ATXN8OS: variants seen among roughly 807,000 people sequenced by gnomAD.
ATXN8OS encodes the protein ATXN8 opposite strand (non-protein coding).
intron 4 of ATXN8OS, among the ~76,000 whole-genome samples, chr13:70,163,332 G>A (rs1889032910): frequency 6.6e-6 from 1 of 151,932 alleles, no homozygotes; most frequent in African/African-American, 2.4e-5. Flanking sequence ...ACATTGGCTG[G>A]CATCTAAGTC....
intron 3 of ATXN8OS, among the ~76,000 whole-genome samples, chr13:70,137,461 G>A (rs894032811): frequency 6.6e-6 from 1 of 152,138 alleles, no homozygotes; most frequent in African/African-American, 2.4e-5. Context: ...ATTCATATGG[G>A]TCCTTCTAGT....
At chr13:70,132,834 T>C (rs1270067018) in intron 3 of ATXN8OS, among the ~76,000 whole-genome samples, 1 of 148,724 alleles carries the variant, frequency 6.7e-6, no homozygotes, top group Non-Finnish European at 1.5e-5. Context: ...AGGGGCTGTA[T>C]TATTAGCTTA....
intron 2 of ATXN8OS, among the ~76,000 whole-genome samples, chr13:70,121,741 G>A (rs1888362398): frequency 6.6e-6 from 1 of 152,044 alleles, no homozygotes; most frequent in Non-Finnish European, 1.5e-5. Context: ...ATTATCTTAT[G>A]TTATAAACTG....
chr13:70,171,302 C>G (rs1267648304), exon 5 of ATXN8OS, among the ~76,000 whole-genome samples: 1 of 152,084 alleles, frequency 6.6e-6, no homozygotes, highest in Admixed American at 6.6e-5. Context: ...GGTTACAGTT[C>G]ATTATGTACA....
At chr13:70,143,389 T>A (rs1018069997) in intron 3 of ATXN8OS, among the ~76,000 whole-genome samples, 5 of 151,862 alleles carry the variant, frequency 3.3e-5, no homozygotes, top group African/African-American at 4.8e-5. Flanking sequence ...CAGTAATAAA[T>A]CTAAAAAAAA....
At chr13:70,144,408 A>G (rs1345561591) in intron 3 of ATXN8OS, among the ~76,000 whole-genome samples, 1 of 151,988 alleles carries the variant, frequency 6.6e-6, no homozygotes, top group Non-Finnish European at 1.5e-5. Context: ...CTAGTTGAGT[A>G]ATTATTTTTC....
At chr13:70,128,458 A>G (rs1034756630) in intron 2 of ATXN8OS, among the ~76,000 whole-genome samples, 2 of 152,144 alleles carry the variant, frequency 1.3e-5, no homozygotes, top group Non-Finnish European at 2.9e-5. Flanking sequence ...TGTACTAAGA[A>G]GGGGAGGGCA....
At chr13:70,131,943 A>C (rs1888540174) in intron 3 of ATXN8OS, among the ~76,000 whole-genome samples, 3 of 152,196 alleles carry the variant, frequency 2.0e-5, no homozygotes, top group Admixed American at 2.0e-4. Flanking sequence ...ATGAATACAG[A>C]TACACTAGTC....
intron 2 of ATXN8OS, among the ~76,000 whole-genome samples, chr13:70,126,369 G>A (rs914166883): frequency 5.3e-5 from 8 of 151,960 alleles, no homozygotes; most frequent in African/African-American, 1.9e-4. Context: ...TAATACCAAG[G>A]AATTCATGGT....
At chr13:70,146,610 T>C (rs1712692254) in intron 3 of ATXN8OS, among the ~76,000 whole-genome samples, 1 of 152,092 alleles carries the variant, frequency 6.6e-6, no homozygotes, top group South Asian at 2.1e-4. Flanking sequence ...TCATGTCCTT[T>C]GTAGGGACAT....
chr13:70,133,384 A>G (rs1248409273), intron 3 of ATXN8OS, among the ~76,000 whole-genome samples: 1 of 152,180 alleles, frequency 6.6e-6, no homozygotes, highest in Non-Finnish European at 1.5e-5. Flanking sequence ...CATGCCCCTT[A>G]AACAGTGAAA....
chr13:70,109,187 G>A (rs1283478514), intron 1 of ATXN8OS, among the ~76,000 whole-genome samples: 1 of 152,226 alleles, frequency 6.6e-6, no homozygotes. Flanking sequence ...GCAAATAGGC[G>A]TTTGGAGAAG....
intron 2 of ATXN8OS, among the ~76,000 whole-genome samples, chr13:70,115,624 T>C (rs1888268369): frequency 6.6e-6 from 1 of 152,142 alleles, no homozygotes; most frequent in Non-Finnish European, 1.5e-5. Flanking sequence ...CATGTCTTAT[T>C]TAATTTTGAA....
At chr13:70,115,644 TCTAA>T (rs973449854) in intron 2 of ATXN8OS, among the ~76,000 whole-genome samples, 6 of 152,114 alleles carry the variant, frequency 3.9e-5, no homozygotes, top group South Asian at 2.1e-4. Flanking sequence ...ATTCACAGTG[TCTAA>T]CTGTCTATCA....
At chr13:70,117,057 C>T (rs907523518) in intron 2 of ATXN8OS, among the ~76,000 whole-genome samples, 24 of 151,986 alleles carry the variant, frequency 1.6e-4, no homozygotes, top group Admixed American at 1.1e-3. Flanking sequence ...TTATATTTTA[C>T]CCTGATTTAC....
intron 3 of ATXN8OS, among the ~76,000 whole-genome samples, chr13:70,137,870 G>T (rs1888638749): frequency 6.6e-6 from 1 of 152,168 alleles, no homozygotes; most frequent in Non-Finnish European, 1.5e-5. Context: ...ACAGTTCCAT[G>T]GTCTGTACAG....
At chr13:70,123,411 A>G (rs1376646738) in intron 2 of ATXN8OS, among the ~76,000 whole-genome samples, 1 of 152,122 alleles carries the variant, frequency 6.6e-6, no homozygotes, top group Non-Finnish European at 1.5e-5. Flanking sequence ...AGTAAATGTG[A>G]AGAATGTTCA....
chr13:70,145,896 G>A (rs1194547956), intron 3 of ATXN8OS, among the ~76,000 whole-genome samples: 22 of 150,582 alleles, frequency 1.5e-4, no homozygotes, highest in African/African-American at 5.4e-4. Flanking sequence ...GGCAACAAAA[G>A]CCAAAATTGA....
intron 4 of ATXN8OS, among the ~76,000 whole-genome samples, chr13:70,160,054 G>T (rs975449038): frequency 1.3e-5 from 2 of 152,098 alleles, no homozygotes; most frequent in Non-Finnish European, 2.9e-5. Flanking sequence ...CTATTAGTGG[G>T]ATTGCTGGGT....
Sources: gnomAD v4.1 joint callset for allele counts (sites outside exome capture counted in the v4.1 genomes callset) on GRCh38, gnomAD v4.1.1 for gene constraint, MANE v1.5 for transcripts, NCBI Gene and HGNC (gene_info 2026-07-23, HGNC 2026-07-21) for gene names.